The following ANKRD13A variants were observed in gnomAD, a reference collection of about 807,000 sequenced individuals.
ANKRD13A encodes ankyrin repeat domain-containing protein 13A.
ANKRD13A carries 48 observed loss-of-function variants against 81.3 expected under a neutral mutation model. The ratio of observed to expected loss-of-function variants is 0.59; its 90% CI spans 0.47 to 0.75. ANKRD13A has a LOEUF of 0.75. ANKRD13A is among the 30% of genes least tolerant of loss of function. The pLI is 0.00. For synonymous variants in ANKRD13A, 230 were observed against 270.1 expected (o/e 0.85, Z 1.45); for missense variants, 612 against 734.0 (o/e 0.83, Z 1.92).
chr12:110,019,992 C>T lies in ANKRD13A; in HGVS notation c.734+664C>T, dbSNP rs768890612. On this transcript the variant is annotated intron_variant, in intron 6 of 14. Transcript: ENST00000261739. ...TTGAGTAGAGGCTGTCAAAGCTGTTCGCTTGTTTCTACAGTGGAGACCACT... is the reference window on the plus strand; with the variant it reads ...TTGAGTAGAGGCTGTCAAAGCTGTTTGCTTGTTTCTACAGTGGAGACCACT... Among the ~76,000 whole-genome samples the T allele has an allele frequency of 8.8e-4, 134 of 152,144 alleles. 1 individual carries two copies. Among genetic ancestry groups the T allele is most frequent in the Non-Finnish European group, 1.5e-3 (105 of 68,026 alleles).
chr12:110,016,955 TAG>T (rs1471190742), intron 4 of ANKRD13A, among the ~76,000 whole-genome samples: 1 of 151,974 alleles, frequency 6.6e-6, no homozygotes, highest in East Asian at 1.9e-4. Flanking sequence ...GTATTTTTAG[TAG>T]AGAGTGGGGT....
intron 9 of ANKRD13A, chr12:110,028,113 A>C (rs565333465): frequency 3.0e-6 from 1 of 337,858 alleles, no homozygotes; most frequent in African/African-American, 2.1e-5. Flanking sequence ...GCTCACAGTA[A>C]CTATATGAAC....
Position 110,013,375 on chromosome 12 carries a change from A to C in ANKRD13A, c.354+126A>C, listed in dbSNP as rs115981662. 2.7e-3 allele frequency: 3,142 copies of C among 1,165,146 alleles called. 82 individuals are homozygous for C. In the African/African-American group the frequency reaches 0.044, roughly 16 times the overall value. The allele number at this position is 1,165,146 out of a possible 1,614,324, so 72.2% of individuals were successfully genotyped here. A position where few individuals can be genotyped will look rare whatever the true frequency, so the allele number is the denominator to read the frequency against. On this transcript the variant is annotated intron_variant, in intron 3 of 14. Transcript: ENST00000261739. ...CTGATTCGTGAATATGAAATACTCA[A>C]TACCAATCACATTATTCCTTGCCCT...
chr12:110,002,632 C>T (rs559633749), intron 1 of ANKRD13A, among the ~76,000 whole-genome samples: 44 of 152,178 alleles, frequency 2.9e-4, no homozygotes, highest in South Asian at 1.9e-3. Context: ...CAAAAAAAAC[C>T]CAAAAAATTC....
chr12:110,036,982 A>ATATTG lies in ANKRD13A; in HGVS notation c.1578-375_1578-374insTTGTA, dbSNP rs1684379438. ...TAGATGTCCTCAGTGGGAAGTTTAT[A>ATATTG]TAATTGTAAAGATAAGGAAGTTTGG... On this transcript the variant is annotated intron_variant, in intron 14 of 14. Coordinates refer to ENST00000261739, the MANE Select transcript of ANKRD13A (RefSeq NM_033121.2). The surrounding 1 kb of genome is among the most constrained non-coding windows in gnomAD (Gnocchi z 4.6). Among the ~76,000 whole-genome samples the ATATTG allele has an allele frequency of 6.6e-6, 1 of 152,190 alleles. No individual in the cohort carries two copies. Among genetic ancestry groups the ATATTG allele is most frequent in the African/African-American group, 2.4e-5 (1 of 41,448 alleles).
chr12:110,037,408 G>A lies in ANKRD13A; in HGVS notation c.1627G>A (p.Ala543Thr), dbSNP rs1373075190. 1.3e-5 allele frequency: 21 copies of A among 1,614,060 alleles called. No homozygotes were observed. Among genetic ancestry groups the A allele is most frequent in the Admixed American group, 3.3e-5 (2 of 60,012 alleles). Residue 543 changes from alanine to threonine, a missense_variant, in exon 15 of 15, where the codon GCC becomes ACC. Transcript: ENST00000261739. ...LTSTEGLCPS[A>T]LSETSRFDND... Reference sequence around the variant, plus strand: ...CAGCACAGAAGGCCTGTGCCCCAGCGCCCTGAGCGAGACAAGCCGTTTTGA... The same window carrying A: ...CAGCACAGAAGGCCTGTGCCCCAGCACCCTGAGCGAGACAAGCCGTTTTGA...
Position 110,036,448 on chromosome 12 carries a change from A to G in ANKRD13A, c.1577+120A>G. 1 of 1,080,848 alleles carries G rather than the reference A, an allele frequency of 9.3e-7. No individual in the cohort carries two copies. The highest frequency in any genetic ancestry group is 1.4e-6 in the Non-Finnish European group (1 of 704,176). The allele number at this position is 1,080,848 out of a possible 1,614,324, so 67.0% of individuals were successfully genotyped here. A position where few individuals can be genotyped will look rare whatever the true frequency, so the allele number is the denominator to read the frequency against. On this transcript the variant is annotated intron_variant, in intron 14 of 14. Coordinates refer to ENST00000261739, the MANE Select transcript of ANKRD13A (RefSeq NM_033121.2). This position sits in a 1 kb window ranked among gnomAD's most constrained non-coding sequence, Gnocchi z 4.6. ...CAGATGTACGGTGCCACAAACTGGCAGGAAAGACTAGAAAAAGTAGGCCAG... is the reference window on the plus strand; with the variant it reads ...CAGATGTACGGTGCCACAAACTGGCGGGAAAGACTAGAAAAAGTAGGCCAG...
chr12:110,028,516 T>A lies in ANKRD13A; in HGVS notation c.950T>A (p.Leu317His). 2.5e-6 allele frequency: 4 copies of A among 1,614,050 alleles called. No homozygotes were observed. The highest frequency in any genetic ancestry group is 3.4e-6 in the Non-Finnish European group (4 of 1,179,962). Residue 317 changes from leucine (L) to histidine (H), a missense_variant, in exon 10 of 15, where the codon CTC becomes CAC. Transcript: ENST00000261739. ...TCCTGAGTTCTGGCTCAGCAGGACC[T>A]CACCACGGAATGTGCTACTGCAAAC... ...VEHQFGAQGD[L>H]TTECATANNP...
chr12:110,009,859 G>GTTGTT (rs1324740100), intron 1 of ANKRD13A, among the ~76,000 whole-genome samples: 20 of 152,082 alleles, frequency 1.3e-4, no homozygotes, highest in African/African-American at 3.4e-4. Flanking sequence ...TTTTTTGTTT[G>GTTGTT]TTGTTTTGTT....
At chr12:110,001,095 A>G (rs554642074) in intron 1 of ANKRD13A, among the ~76,000 whole-genome samples, 1 of 151,434 alleles carries the variant, frequency 6.6e-6, no homozygotes, top group Non-Finnish European at 1.5e-5. Context: ...CAATTCTGGG[A>G]GGTATTGGTG....
chr12:110,031,581 C>T (rs143449160), intron 12 of ANKRD13A, among the ~76,000 whole-genome samples: 10,640 of 152,144 alleles, frequency 0.07, 608 homozygotes, highest in African/African-American at 0.15. Context: ...GAACTCCTGA[C>T]CTCAAGTGAT....
chr12:110,017,931 C>CAA (rs35012464), intron 4 of ANKRD13A, among the ~76,000 whole-genome samples: 2 of 108,262 alleles, frequency 1.8e-5, no homozygotes, highest in Non-Finnish European at 1.9e-5. Flanking sequence ...GACTCCGTCT[C>CAA]AAAAAAAAAA....
At chr12:110,001,085 C>A (rs1889946696) in intron 1 of ANKRD13A, among the ~76,000 whole-genome samples, 1 of 151,552 alleles carries the variant, frequency 6.6e-6, no homozygotes, top group African/African-American at 2.4e-5. Context: ...AGTCTCCCAA[C>A]AATTCTGGGA....
At chr12:110,009,058 TAC>T (rs1297943241) in intron 1 of ANKRD13A, among the ~76,000 whole-genome samples, 4 of 152,166 alleles carry the variant, frequency 2.6e-5, no homozygotes, top group African/African-American at 9.7e-5. Flanking sequence ...TTTGTTGGCA[TAC>T]AGTTGTTCAT....
Position 110,036,243 on chromosome 12 carries a change from C to G in ANKRD13A, c.1510-18C>G. 2 of 1,612,482 alleles carry G rather than the reference C, an allele frequency of 1.2e-6. No individual in the cohort carries two copies. Among genetic ancestry groups the G allele is most frequent in the Non-Finnish European group, 1.7e-6 (2 of 1,178,576 alleles). ...TCTCCTAAGACGTATTCATGTCTAT[C>G]ACATTTGTCTTTGCCAGGAACTTTC... is the stretch of plus-strand genomic sequence containing the variant. On this transcript the variant is annotated intron_variant, in intron 13 of 14. Transcript: ENST00000261739. The surrounding 1 kb of genome is among the most constrained non-coding windows in gnomAD (Gnocchi z 4.6).
rs1393727340 is a variant in ANKRD13A, at chr12:110,036,565, C to T, written c.1577+237C>T. 6.6e-6 allele frequency among the ~76,000 whole-genome samples: 1 copy of T among 152,102 alleles called. No individual in the cohort carries two copies. Among genetic ancestry groups the T allele is most frequent in the African/African-American group, 2.4e-5 (1 of 41,452 alleles). The stretch of plus-strand genomic sequence containing the variant: ...AAGATTGAGACCATCCTGGCTAACA[C>T]GGTGAAACCCTGTCTCTCCTAAAAA... On this transcript the variant is annotated intron_variant, in intron 14 of 14. Transcript: ENST00000261739. This position sits in a 1 kb window ranked among gnomAD's most constrained non-coding sequence, Gnocchi z 4.6.
chr12:110,036,681 C>T lies in ANKRD13A; in HGVS notation c.1577+353C>T, dbSNP rs1454996695. Among the ~76,000 whole-genome samples, 6 of 151,864 alleles carry T rather than the reference C, an allele frequency of 4.0e-5. No individual in the cohort carries two copies. The highest frequency in any genetic ancestry group is 7.3e-5 in the African/African-American group (3 of 41,330). ...GCAGGAGAATGGCAAACCCAGGAGG[C>T]GGAGCTTGCAGTGAGCCGAGATCGC... On this transcript the variant is annotated intron_variant, in intron 14 of 14. Transcript: ENST00000261739. The surrounding 1 kb of genome is among the most constrained non-coding windows in gnomAD (Gnocchi z 4.6).
rs1890613933 is a variant in ANKRD13A, at chr12:110,013,132, T to C, written c.237T>C (p.His79=). 1.2e-6 allele frequency: 2 copies of C among 1,613,210 alleles called. No homozygotes were observed. Among genetic ancestry groups the C allele is most frequent in the East Asian group, 4.5e-5 (2 of 44,884 alleles). ...KENRQGWTVL[H]EAVSTGDPEM... ...CACCCTTTTGTTTTCTAGTTTTACA[T>C]GAGGCTGTGAGCACTGGCGATCCTG... The change falls in exon 3 of 15, where the codon CAT becomes CAC. Residue 79 remains histidine, a synonymous_variant. Transcript: ENST00000261739.
chr12:110,012,476 G>A lies in ANKRD13A; in HGVS notation c.229+339G>A, dbSNP rs116420465. ...AGATTTCTCTCTTGGGACAAGGGAT[G>A]GGGACAAGGAAATGGGAGCCCAGGA... On this transcript the variant is annotated intron_variant, in intron 2 of 14. Coordinates refer to ENST00000261739, the MANE Select transcript of ANKRD13A (RefSeq NM_033121.2). Among the ~76,000 whole-genome samples the A allele has an allele frequency of 6.4e-3, 969 of 152,248 alleles. 3 individuals carry two copies. The highest frequency in any genetic ancestry group is 0.022 in the African/African-American group (921 of 41,526).
Sources: gnomAD v4.1 joint callset for allele counts (sites outside exome capture counted in the v4.1 genomes callset) on GRCh38, gnomAD v4.1.1 for gene constraint, Gnocchi (gnomAD v3.1) non-coding constraint, MANE v1.5 for transcripts, NCBI Gene and HGNC (gene_info 2026-07-23, HGNC 2026-07-21) for gene names.